Variants in C8orf34 observed in about 807,000 individuals in gnomAD.
C8orf34 encodes the protein uncharacterized protein C8orf34.
C8orf34 carries 65 observed loss-of-function variants against 68.3 expected under a neutral mutation model. That is an observed-to-expected ratio of 0.95 (90% CI 0.78 to 1.17). The LOEUF is 1.17. C8orf34 is among the 50% of genes most tolerant of loss of function. C8orf34 has a pLI of 0.00. For missense variants in C8orf34, 664 were observed against 655.4 expected (o/e 1.01, Z -0.14); for synonymous variants, 244 against 241.2 (o/e 1.01, Z -0.11).
chr8:68,626,652 T>C (rs1286647840), intron 7 of C8orf34, among the ~76,000 whole-genome samples: 2 of 152,216 alleles, frequency 1.3e-5, no homozygotes, highest in African/African-American at 4.8e-5. Context: ...ATTAGGTTTA[T>C]GGCCAAAATG....
chr8:68,435,648 C>T lies in C8orf34; in HGVS notation c.328-3851C>T, dbSNP rs564999674. Among the ~76,000 whole-genome samples the T allele has an allele frequency of 1.2e-4, 18 of 152,282 alleles. No homozygotes were observed. In the South Asian group the frequency reaches 2.7e-3, roughly 23 times the overall value. On this transcript the variant is annotated intron_variant, in intron 1 of 13. Transcript: ENST00000518698. ...AACTCCGAAGATTAGTATTTTTGTG[C>T]TTCACTCTGCTTTCTGAATCTCCTA...
chr8:68,783,171 G>A (rs1479066167), intron 11 of C8orf34, among the ~76,000 whole-genome samples: 1 of 152,036 alleles, frequency 6.6e-6, no homozygotes, highest in African/African-American at 2.4e-5. Flanking sequence ...TAACCTAAAG[G>A]GAAAAGTCAA....
In C8orf34 at chr8:68,796,982, A is replaced by G. The variant is rs9942770; in HGVS notation, c.1549+9446A>G. Among the ~76,000 whole-genome samples the G allele has an allele frequency of 1.6e-3, 250 of 151,886 alleles. 1 individual carries two copies. Among genetic ancestry groups the G allele is most frequent in the African/African-American group, 5.8e-3 (239 of 41,474 alleles). On this transcript the variant is annotated intron_variant, in intron 12 of 13. Coordinates refer to ENST00000518698, the MANE Select transcript of C8orf34 (RefSeq NM_052958.4). ...GCTGGGATTACAGGCACATGCCACC[A>G]CGCCTGGCTAATTTTTGTATTTTTA...
chr8:68,573,336 C>T (rs1816810103), intron 7 of C8orf34, among the ~76,000 whole-genome samples: 1 of 152,104 alleles, frequency 6.6e-6, no homozygotes, highest in South Asian at 2.1e-4. Context: ...TTCTACTTCT[C>T]TTGTGCATCT....
At chr8:68,405,408 A>T (rs553296758) in intron 1 of C8orf34, among the ~76,000 whole-genome samples, 1 of 152,278 alleles carries the variant, frequency 6.6e-6, no homozygotes, top group Admixed American at 6.5e-5. Flanking sequence ...TCTCCCTAGG[A>T]TATTGTAATT....
At chr8:68,550,501 A>C (rs1339043759) in intron 7 of C8orf34, among the ~76,000 whole-genome samples, 3 of 151,850 alleles carry the variant, frequency 2.0e-5, no homozygotes, top group Non-Finnish European at 4.4e-5. Context: ...TATCTGTTAG[A>C]TCAATTAAGA....
At chr8:68,702,328 T>C (rs1295687534) in intron 8 of C8orf34, among the ~76,000 whole-genome samples, 1 of 152,156 alleles carries the variant, frequency 6.6e-6, no homozygotes, top group Admixed American at 6.6e-5. Context: ...ATTATGTTTT[T>C]AGTAGTGCAT....
intron 12 of C8orf34, chr8:68,791,919 G>A (rs1466248753): frequency 1.3e-5 from 2 of 152,158 alleles, no homozygotes; most frequent in Non-Finnish European, 2.9e-5. Context: ...GACTTTGAAC[G>A]AAAAATGTAA....
At position 68,345,429 on chromosome 8, in the gene C8orf34, G is replaced by A. The variant is rs114829545; in HGVS notation, c.327+14090G>A. Among the ~76,000 whole-genome samples the A allele has an allele frequency of 7.9e-3, 1,196 of 152,024 alleles. 18 individuals carry two copies. Among genetic ancestry groups the A allele is most frequent in the African/African-American group, 0.026 (1,099 of 41,502 alleles). On this transcript the variant is annotated intron_variant, in intron 1 of 13. Transcript: ENST00000518698. ...AATATGTATAGAAAAGCCAAAAAGT[G>A]CAAGAATTCATAGTAGGCAGACTTA...
intron 2 of C8orf34, among the ~76,000 whole-genome samples, chr8:68,440,791 G>A (rs1264950414): frequency 7.0e-6 from 1 of 142,474 alleles, no homozygotes; most frequent in Non-Finnish European, 1.5e-5. Context: ...GGAGAGAAAG[G>A]AACATATTAA....
intron 8 of C8orf34, among the ~76,000 whole-genome samples, chr8:68,664,120 G>C (rs1489444695): frequency 6.6e-6 from 1 of 152,048 alleles, no homozygotes; most frequent in Non-Finnish European, 1.5e-5. Context: ...TGGCAGTGAG[G>C]GTCTATGGAG....
intron 10 of C8orf34, among the ~76,000 whole-genome samples, chr8:68,761,648 C>G (rs1238826666): frequency 6.6e-6 from 1 of 152,208 alleles, no homozygotes; most frequent in African/African-American, 2.4e-5. Flanking sequence ...TTGCCACCAA[C>G]ACACCAAATG....
chr8:68,397,896 G>A (rs558925470), intron 1 of C8orf34, among the ~76,000 whole-genome samples: 26 of 152,160 alleles, frequency 1.7e-4, no homozygotes, highest in South Asian at 2.1e-4. Flanking sequence ...AGCCTCCTAA[G>A]TAGCTGGGAT....
At chr8:68,681,660 G>A (rs1054530583) in intron 8 of C8orf34, among the ~76,000 whole-genome samples, 8 of 152,090 alleles carry the variant, frequency 5.3e-5, no homozygotes, top group Non-Finnish European at 8.8e-5. Context: ...TTACTGCTAG[G>A]CATATACCAC....
At chr8:68,693,710 A>C (rs1820746822) in intron 8 of C8orf34, among the ~76,000 whole-genome samples, 1 of 152,114 alleles carries the variant, frequency 6.6e-6, no homozygotes. Flanking sequence ...CCATCTAACC[A>C]GTTGAGCCTG....
chr8:68,366,543 A>C (rs1236556211), intron 1 of C8orf34, among the ~76,000 whole-genome samples: 1 of 151,312 alleles, frequency 6.6e-6, no homozygotes, highest in African/African-American at 2.4e-5. Context: ...CTGGTACCAA[A>C]ACAGAGATAT....
intron 8 of C8orf34, 110 bp from the exon 9 acceptor site, chr8:68,708,884 T>C (rs2130960933): frequency 1.3e-6 from 1 of 746,082 alleles, no homozygotes; most frequent in East Asian, 2.7e-5. Context: ...TGAACATGCA[T>C]ATCTGAGTTT....
At chr8:68,497,362 C>T (rs990206743) in intron 5 of C8orf34, among the ~76,000 whole-genome samples, 3 of 152,122 alleles carry the variant, frequency 2.0e-5, no homozygotes, top group African/African-American at 7.2e-5. Flanking sequence ...TTGTCAGATA[C>T]TCTGTTGGTG....
chr8:68,816,138 C>CTCTGTG (rs1554617710), intron 13 of C8orf34, among the ~76,000 whole-genome samples, 193 bp downstream of exon 13: 25 of 146,658 alleles, frequency 1.7e-4, no homozygotes, highest in African/African-American at 6.3e-4. Context: ...GTGTGTTTCT[C>CTCTGTG]TGTGTGTGTG....
Sources: gnomAD v4.1 joint callset for allele counts (sites outside exome capture counted in the v4.1 genomes callset) on GRCh38, gnomAD v4.1.1 for gene constraint, MANE v1.5 for transcripts, NCBI Gene and HGNC (gene_info 2026-07-23, HGNC 2026-07-21) for gene names.